SH3BP5: variants seen among roughly 807,000 people sequenced by gnomAD.
SH3BP5 encodes SH3 domain-binding protein 5.
In SH3BP5, 22 loss-of-function variants were observed where a neutral mutation model predicts 43.3. The observed-to-expected ratio is 0.51, with a 90% CI of 0.36 to 0.73. SH3BP5 has a LOEUF of 0.73. Ranked by LOEUF, SH3BP5 falls within the 30% of genes least tolerant of loss-of-function variation. The pLI, the probability that SH3BP5 is intolerant of heterozygous loss-of-function variation, is 0.00. For missense variants in SH3BP5, 529 were observed against 586.9 expected, an observed-to-expected ratio of 0.90 and a Z score of 1.02; for synonymous variants, 255 against 225.8, an observed-to-expected ratio of 1.13 and a Z score of -1.16.
At chr3:15,306,831 G>A (rs1697923545) in intron 2 of SH3BP5, among the ~76,000 whole-genome samples, 1 of 152,040 alleles carries the variant, frequency 6.6e-6, no homozygotes, top group Non-Finnish European at 1.5e-5. Flanking sequence ...ACCACGCCAA[G>A]CTAATTTTTT....
chr3:15,327,882 A>C (rs551786493), intron 2 of SH3BP5, among the ~76,000 whole-genome samples: 13 of 152,362 alleles, frequency 8.5e-5, no homozygotes, highest in Admixed American at 7.2e-4. Flanking sequence ...AATATGCCAA[A>C]GATCTTAAAG....
chr3:15,308,032 T>TAA (rs200856179), intron 2 of SH3BP5, among the ~76,000 whole-genome samples: 3 of 152,194 alleles, frequency 2.0e-5, no homozygotes, highest in Admixed American at 1.3e-4. Context: ...ACTTTTCATT[T>TAA]AAAGAAAAAA....
rs115617020 is a variant in SH3BP5, at chr3:15,322,283, C to T, written c.201+8221G>A. Reference sequence around the variant, plus strand: ...TACTATATATATGGTTCTAGATATGCTCTATATAGTTTTATATATATTTTA... The same window carrying T: ...TACTATATATATGGTTCTAGATATGTTCTATATAGTTTTATATATATTTTA... On this transcript the variant is annotated intron_variant, in intron 2 of 8. Coordinates refer to ENST00000383791, the MANE Select transcript of SH3BP5 (RefSeq NM_004844.5). Among the ~76,000 whole-genome samples the T allele has an allele frequency of 7.5e-3, 1,142 of 152,116 alleles. 18 individuals carry two copies. The highest frequency in any genetic ancestry group is 0.026 in the African/African-American group (1,079 of 41,492).
chr3:15,260,898 A>G (rs1032780490), intron 5 of SH3BP5, among the ~76,000 whole-genome samples: 15 of 152,230 alleles, frequency 9.9e-5, no homozygotes, highest in African/African-American at 3.6e-4. Context: ...GGCAAAGTAC[A>G]ATCACAAGAT....
chr3:15,272,265 C>T (rs1181022762), intron 3 of SH3BP5, among the ~76,000 whole-genome samples: 1 of 152,204 alleles, frequency 6.6e-6, no homozygotes, highest in Non-Finnish European at 1.5e-5. Flanking sequence ...AGACCCAGCC[C>T]TCCAGGCGAC....
At chr3:15,315,914 C>T (rs548556941) in intron 2 of SH3BP5, among the ~76,000 whole-genome samples, 1 of 152,272 alleles carries the variant, frequency 6.6e-6, no homozygotes, top group African/African-American at 2.4e-5. Flanking sequence ...GTGCATATTT[C>T]CTAAAGATGA....
At chr3:15,256,343 A>G (rs753481285) in intron 8 of SH3BP5, 40 bp from the exon 9 acceptor site, 116 of 1,577,964 alleles carry the variant, frequency 7.4e-5, no homozygotes, top group Middle Eastern at 1.8e-4. Flanking sequence ...AGTATTGACA[A>G]TTCTGCCCTG....
At chr3:15,273,161 G>A in intron 3 of SH3BP5, 1 of 985,314 alleles carries the variant, frequency 1.0e-6, no homozygotes, top group South Asian at 4.7e-5. Context: ...AATCCCACAG[G>A]ATCCTAAAAT....
At chr3:15,305,647 C>T (rs1490413111) in intron 2 of SH3BP5, among the ~76,000 whole-genome samples, 2 of 152,140 alleles carry the variant, frequency 1.3e-5, no homozygotes, top group Non-Finnish European at 2.9e-5. Context: ...GAGGAAAATA[C>T]TGAGTCCCAA....
rs143022181 is a variant in SH3BP5 at position 15,267,314 on chromosome 3, G to A, written c.495+2399C>T. Among the ~76,000 whole-genome samples, 34 of 152,318 alleles carry A rather than the reference G, an allele frequency of 2.2e-4. No individual in the cohort carries two copies. In the East Asian group the frequency reaches 2.5e-3, roughly 11 times the overall value. On this transcript the variant is annotated intron_variant, in intron 4 of 8. Transcript: ENST00000383791. ...ATGTTCTGCATCATCCATTACATTC[G>A]GAGAGCCTGCTCTGCACGCTGAAAT...
At chr3:15,287,830 A>C (rs920895766) in intron 3 of SH3BP5, among the ~76,000 whole-genome samples, 1 of 152,230 alleles carries the variant, frequency 6.6e-6, no homozygotes, top group Non-Finnish European at 1.5e-5. Flanking sequence ...CACAGCACAG[A>C]GAAGTCCAGA....
In SH3BP5 at chr3:15,256,134, C is replaced by A; in HGVS notation, c.1320G>T (p.Lys440Asn). 6.2e-7 allele frequency: 1 copy of A among 1,614,238 alleles called. No individual in the cohort carries two copies. Among genetic ancestry groups the A allele is most frequent in the African/African-American group, 1.3e-5 (1 of 75,060 alleles). Residue 440 changes from lysine to asparagine, a missense_variant, in exon 9 of 9, where the codon AAG becomes AAT. Physicochemically the swap from Lys to Asn is moderately conservative, Grantham distance 94 (BLOSUM62 0). This residue lies in a region of SH3BP5 where 369 missense variants were observed against 384.3 expected (regional missense o/e 0.96). Transcript: ENST00000383791. The part of the protein sequence containing the change: ...RMKQLSLQCS[K>N]GRDGIIADIK... ...TGTCAGCAATAATTCCATCTCTTCC[C>A]TTTGAGCACTGTAGGGAGAGCTGCT... is the stretch of plus-strand genomic sequence containing the variant.
intron 3 of SH3BP5, among the ~76,000 whole-genome samples, chr3:15,272,003 T>C (rs1696815041): frequency 6.6e-6 from 1 of 152,036 alleles, no homozygotes. Flanking sequence ...GTCAGTTACA[T>C]AAGCCCTGGT....
chr3:15,305,232 G>A (rs915112274), intron 2 of SH3BP5, among the ~76,000 whole-genome samples: 9 of 152,224 alleles, frequency 5.9e-5, no homozygotes, highest in Non-Finnish European at 1.3e-4. Flanking sequence ...CCTCTGGACA[G>A]CATGTTGTCA....
intron 3 of SH3BP5, among the ~76,000 whole-genome samples, chr3:15,275,516 G>A (rs1386343868): frequency 1.3e-5 from 2 of 152,188 alleles, no homozygotes; most frequent in South Asian, 2.1e-4. Flanking sequence ...GTCCTGTGGT[G>A]TGCACAAGTC....
At chr3:15,305,084 T>C (rs962758754) in intron 2 of SH3BP5, among the ~76,000 whole-genome samples, 15 of 151,796 alleles carry the variant, frequency 9.9e-5, no homozygotes, top group Non-Finnish European at 1.9e-4. Flanking sequence ...GCCACTGCAC[T>C]GCAGCCTGGG....
At chr3:15,312,319 C>A (rs1224049273) in intron 2 of SH3BP5, among the ~76,000 whole-genome samples, 1 of 152,134 alleles carries the variant, frequency 6.6e-6, no homozygotes, top group Non-Finnish European at 1.5e-5. Context: ...AAAAATAGTC[C>A]TTTTCCATAA....
intron 4 of SH3BP5, among the ~76,000 whole-genome samples, chr3:15,266,816 T>C (rs1402710572): frequency 6.6e-6 from 1 of 152,212 alleles, no homozygotes; most frequent in Admixed American, 6.5e-5. Flanking sequence ...TCCTAGTATA[T>C]CGGCTTCAGC....
At chr3:15,289,133 C>A (rs1697341539) in intron 3 of SH3BP5, among the ~76,000 whole-genome samples, 1 of 152,198 alleles carries the variant, frequency 6.6e-6, no homozygotes, top group Non-Finnish European at 1.5e-5. Context: ...TAACTCACAG[C>A]CTTTCTAGAA....
Sources: gnomAD v4.1 joint callset for allele counts (sites outside exome capture counted in the v4.1 genomes callset) on GRCh38, gnomAD v4.1.1 for gene constraint, gnomAD v4.1.1 regional missense constraint, MANE v1.5 for transcripts, NCBI Gene and HGNC (gene_info 2026-07-23, HGNC 2026-07-21) for gene names.